The following DLGAP2 variants were observed in gnomAD, a reference collection of about 807,000 sequenced individuals.
DLGAP2 encodes the protein disks large-associated protein 2.
A neutral mutation model predicts 100.3 loss-of-function variants in DLGAP2; 26 were observed. The ratio of observed to expected loss-of-function variants is 0.26; its 90% confidence interval spans 0.19 to 0.36. The LOEUF (loss-of-function observed/expected upper bound fraction) is 0.36, where lower values mean the gene tolerates loss of function less well. Ranked by LOEUF, DLGAP2 falls within the 10% of genes least tolerant of loss-of-function variation. The pLI, the probability that DLGAP2 is intolerant of heterozygous loss-of-function variation, is 1.00. For missense variants in DLGAP2, 1,858 were observed against 1,453.2 expected, an observed-to-expected ratio of 1.28 and a Z score of -4.53; for synonymous variants, 886 against 630.1, an observed-to-expected ratio of 1.41 and a Z score of -6.08.
At chr8:1,688,096 C>T (rs374677292) in intron 12 of DLGAP2, among the ~76,000 whole-genome samples, 4 of 152,234 alleles carry the variant, frequency 2.6e-5, no homozygotes, top group East Asian at 3.9e-4. Flanking sequence ...CAAACCCCAC[C>T]GCCTCCAGCT....
At chr8:1,339,724 G>C (rs1461384818) in intron 3 of DLGAP2, among the ~76,000 whole-genome samples, 1 of 152,186 alleles carries the variant, frequency 6.6e-6, no homozygotes, top group Non-Finnish European at 1.5e-5. Context: ...TCACCCGGGC[G>C]CATCAGGGCA....
At chr8:1,129,953 A>G (rs1306853241) in intron 2 of DLGAP2, among the ~76,000 whole-genome samples, 1 of 152,208 alleles carries the variant, frequency 6.6e-6, no homozygotes, top group Non-Finnish European at 1.5e-5. Context: ...CCAGGTGCAC[A>G]TTTGTAAAGT....
At chr8:819,897 G>C (rs1169546012) in intron 1 of DLGAP2, among the ~76,000 whole-genome samples, 1 of 152,134 alleles carries the variant, frequency 6.6e-6, no homozygotes, top group Non-Finnish European at 1.5e-5. Flanking sequence ...ACCCTTTCCT[G>C]TTTGGATTGG....
chr8:1,348,684 A>AC (rs1201389765), intron 3 of DLGAP2, among the ~76,000 whole-genome samples: 1 of 152,044 alleles, frequency 6.6e-6, no homozygotes, highest in Non-Finnish European at 1.5e-5. Context: ...TTGAGTGCCC[A>AC]GCAGAGCTGC....
chr8:1,150,876 T>C (rs1796685858), intron 2 of DLGAP2, among the ~76,000 whole-genome samples: 1 of 152,238 alleles, frequency 6.6e-6, no homozygotes, highest in Non-Finnish European at 1.5e-5. Context: ...TAAGTTTTTC[T>C]GACTTTAAAA....
chr8:1,032,132 G>T (rs191466332), intron 2 of DLGAP2, among the ~76,000 whole-genome samples: 46 of 152,216 alleles, frequency 3.0e-4, no homozygotes, highest in African/African-American at 1.1e-3. Flanking sequence ...TGCTTCAGGG[G>T]TCTGCTCAGA....
chr8:1,193,301 T>C (rs920342579), intron 2 of DLGAP2, among the ~76,000 whole-genome samples: 1 of 152,206 alleles, frequency 6.6e-6, no homozygotes, highest in East Asian at 1.9e-4. Context: ...AGTGTAAAAG[T>C]GTTCCCATTT....
At chr8:1,536,111 C>T (rs1352155186) in intron 4 of DLGAP2, among the ~76,000 whole-genome samples, 1 of 152,184 alleles carries the variant, frequency 6.6e-6, no homozygotes, top group African/African-American at 2.4e-5. Context: ...GGACAAGCAC[C>T]TAGGGCAGGT....
At chr8:1,352,359 G>T (rs1025055756) in intron 3 of DLGAP2, among the ~76,000 whole-genome samples, 3 of 151,946 alleles carry the variant, frequency 2.0e-5, no homozygotes, top group African/African-American at 7.3e-5. Context: ...CCTGTCCCCA[G>T]CGACTCCCCC....
At position 840,610 on chromosome 8, in the gene DLGAP2, G is replaced by A. The variant is rs549594922; in HGVS notation, c.19-67302G>A. Among the ~76,000 whole-genome samples, 27 of 91,004 alleles carry A rather than the reference G, an allele frequency of 3.0e-4. 1 individual carries two copies. Among genetic ancestry groups the A allele is most frequent in the African/African-American group, 9.2e-4 (26 of 28,288 alleles). 59.7% of individuals were successfully genotyped at this position (91,004 alleles called of 152,430 possible). ...CGTCTCCCCACACTCTGGATTCTGCGAGCGCGTCCACACGGTGCACGCCTG... is the reference window on the plus strand; with the variant it reads ...CGTCTCCCCACACTCTGGATTCTGCAAGCGCGTCCACACGGTGCACGCCTG... On this transcript the variant is annotated intron_variant, in intron 1 of 14. Coordinates refer to ENST00000637795, the MANE Select transcript of DLGAP2 (RefSeq NM_001346810.2).
intron 1 of DLGAP2, among the ~76,000 whole-genome samples, chr8:838,766 A>G (rs574941932): frequency 1.3e-5 from 2 of 152,346 alleles, no homozygotes; most frequent in South Asian, 4.1e-4. Context: ...TGAGAGAAAA[A>G]GAGCCTTCTT....
At chr8:947,881 C>T (rs958437656) in intron 2 of DLGAP2, among the ~76,000 whole-genome samples, 3 of 150,506 alleles carry the variant, frequency 2.0e-5, no homozygotes, top group African/African-American at 7.3e-5. Flanking sequence ...AACCCTGTGC[C>T]AGCCCGTGTG....
At chr8:774,297 T>C (rs1010687466) in intron 1 of DLGAP2, among the ~76,000 whole-genome samples, 3 of 152,202 alleles carry the variant, frequency 2.0e-5, no homozygotes, top group Non-Finnish European at 4.4e-5. Context: ...ATTTTGTGAG[T>C]TGCCTGTTCA....
At chr8:1,602,026 C>T (rs967457635) in intron 6 of DLGAP2, among the ~76,000 whole-genome samples, 7 of 151,726 alleles carry the variant, frequency 4.6e-5, no homozygotes, top group Non-Finnish European at 4.4e-5. Flanking sequence ...CTATCCCTCA[C>T]GAGCTGTCAG....
intron 1 of DLGAP2, among the ~76,000 whole-genome samples, chr8:828,214 C>A (rs1395655065): frequency 6.6e-6 from 1 of 152,136 alleles, no homozygotes; most frequent in Non-Finnish European, 1.5e-5. Flanking sequence ...ACCAGTCTGA[C>A]CAAAATTTAT....
chr8:1,691,677 A>C (rs1799264706), intron 13 of DLGAP2, 51 bp downstream of exon 13: 4 of 1,397,078 alleles, frequency 2.9e-6, no homozygotes, highest in Non-Finnish European at 4.0e-6. Flanking sequence ...GCTAATGGGC[A>C]TCATTCCACA....
chr8:1,655,370 A>T (rs892495940), intron 8 of DLGAP2, among the ~76,000 whole-genome samples: 2 of 152,104 alleles, frequency 1.3e-5, no homozygotes, highest in Non-Finnish European at 2.9e-5. Context: ...AATTCCTTTT[A>T]TGCTATCATC....
intron 3 of DLGAP2, among the ~76,000 whole-genome samples, chr8:1,437,813 C>CAAAAAAA (rs59165125): frequency 7.7e-4 from 66 of 85,216 alleles, no homozygotes; most frequent in Middle Eastern, 7.7e-3. Flanking sequence ...ACTAAAAATA[C>CAAAAAAA]AAAAAAAAAA....
intron 6 of DLGAP2, among the ~76,000 whole-genome samples, chr8:1,619,400 G>A (rs1389184581): frequency 6.6e-6 from 1 of 152,158 alleles, no homozygotes; most frequent in Non-Finnish European, 1.5e-5. Context: ...TGAGACCTGT[G>A]CCTTTCACTG....
Sources: allele counts gnomAD v4.1 joint callset (sites outside exome capture counted in the v4.1 genomes callset), GRCh38; gene constraint gnomAD v4.1.1; transcripts MANE v1.5; gene names NCBI Gene and HGNC (gene_info 2026-07-23, HGNC 2026-07-21).